CLASP2: variants seen among roughly 807,000 people sequenced by gnomAD.
CLASP2 encodes the protein cytoplasmic linker associated protein 2, also known as CLIP-associating protein 2.
Under a neutral mutation model 194.4 loss-of-function variants are expected in CLASP2, and 47 were observed. The observed-to-expected ratio is 0.24, with a 90% CI of 0.19 to 0.31. The LOEUF is 0.31. Ranked by LOEUF, CLASP2 falls within the 10% of genes least tolerant of loss-of-function variation. The probability of loss-of-function intolerance (pLI) is 1.00; values close to 1 mark genes in which losing one functional copy is unlikely to be tolerated. For missense variants in CLASP2, 1,445 were observed against 1,823.6 expected, an observed-to-expected ratio of 0.79 and a Z score of 3.78; for synonymous variants, 619 against 633.5, an observed-to-expected ratio of 0.98 and a Z score of 0.34.
At chr3:33,662,673 T>C (rs2154332892) in intron 7 of CLASP2, among the ~76,000 whole-genome samples, 1 of 152,318 alleles carries the variant, frequency 6.6e-6, no homozygotes, top group East Asian at 1.9e-4. Context: ...CACCAAATTT[T>C]TACTCCAACA....
chr3:33,553,223 G>T (rs2060341155), intron 29 of CLASP2, among the ~76,000 whole-genome samples: 1 of 151,982 alleles, frequency 6.6e-6, no homozygotes, highest in Non-Finnish European at 1.5e-5. Context: ...TCTGACACTT[G>T]TACATTTTTC....
At chr3:33,625,803 T>C (rs2077946434) in intron 10 of CLASP2, among the ~76,000 whole-genome samples, 1 of 151,950 alleles carries the variant, frequency 6.6e-6, no homozygotes, top group South Asian at 2.1e-4. Flanking sequence ...TCAACAAAAG[T>C]TTGTTTCTTT....
intron 6 of CLASP2, among the ~76,000 whole-genome samples, chr3:33,668,642 T>C (rs1415359573): frequency 6.6e-6 from 1 of 152,226 alleles, no homozygotes; most frequent in Non-Finnish European, 1.5e-5. Flanking sequence ...TTCGAAATAC[T>C]ACCTATAAAA....
In CLASP2 at chr3:33,684,462, A is replaced by C; in HGVS notation, c.547-6T>G. Reference sequence around the variant, plus strand: ...AATATTGCAGCATCTCTCACCTGTCAAAGAATTCAGAACTTTTTAATAAAC... The same window carrying C: ...AATATTGCAGCATCTCTCACCTGTCCAAGAATTCAGAACTTTTTAATAAAC... On this transcript the variant is annotated splice_polypyrimidine_tract_variant and splice_region_variant and intron_variant, in intron 5 of 38. Transcript: ENST00000682230. 1 of 1,565,584 alleles carries C rather than the reference A, an allele frequency of 6.4e-7. No individual in the cohort carries two copies. Among genetic ancestry groups the C allele is most frequent in the Non-Finnish European group, 8.7e-7 (1 of 1,151,204 alleles).
intron 11 of CLASP2, among the ~76,000 whole-genome samples, chr3:33,620,517 C>G (rs1008918078): frequency 2.6e-5 from 4 of 152,176 alleles, no homozygotes; most frequent in Non-Finnish European, 4.4e-5. Flanking sequence ...TCAAAGAGCT[C>G]AGATTCCGAC....
At position 33,550,349 on chromosome 3, in the gene CLASP2, C is replaced by T. The variant is rs1234225499; in HGVS notation, c.3153+903G>A. Among the ~76,000 whole-genome samples the T allele has an allele frequency of 2.3e-5, 3 of 132,086 alleles. No homozygotes were observed. In the Admixed American group the frequency reaches 2.7e-4, roughly 12 times the overall value. The allele number at this position is 132,086 out of a possible 152,430, so 86.7% of individuals were successfully genotyped here. A position where few individuals can be genotyped will look rare whatever the true frequency, so the allele number is the denominator to read the frequency against. ...GGTGGAGGTTGCAGTGAGCCAGTAT[C>T]ATGCCACTGTGCTCCAGCCTGGGTG... On this transcript the variant is annotated intron_variant, in intron 30 of 38. Transcript: ENST00000682230.
chr3:33,543,352 G>C, intron 32 of CLASP2, 81 bp downstream of exon 32: 1 of 966,682 alleles, frequency 1.0e-6, no homozygotes, highest in Non-Finnish European at 1.6e-6. Flanking sequence ...CAGCCTGGGC[G>C]ACAGAGCAAG....
rs775664715 is a variant in CLASP2, at chr3:33,572,549, C to A, written c.2699+561G>T. On this transcript the variant is annotated intron_variant, in intron 25 of 38. Coordinates refer to ENST00000682230, the MANE Select transcript of CLASP2 (RefSeq NM_001365631.1). The stretch of plus-strand genomic sequence containing the variant: ...CTATAGGTTTAAAACATCACACAGA[C>A]AAGGACAATAAGGCAAGTAGGGGGA... 8.6e-4 allele frequency among the ~76,000 whole-genome samples: 131 copies of A among 152,084 alleles called. 1 individual carries two copies. The highest frequency in any genetic ancestry group is 6.8e-3 in the Middle Eastern group (2 of 294).
At chr3:33,612,742 G>C (rs1035874056) in intron 12 of CLASP2, among the ~76,000 whole-genome samples, 20 of 152,126 alleles carry the variant, frequency 1.3e-4, no homozygotes, top group Admixed American at 8.5e-4. Flanking sequence ...CTAGGAAGCA[G>C]GCTATGAGAT....
intron 2 of CLASP2, among the ~76,000 whole-genome samples, chr3:33,692,913 T>C (rs1262240897): frequency 6.6e-6 from 1 of 152,138 alleles, no homozygotes; most frequent in Non-Finnish European, 1.5e-5. Flanking sequence ...TCGTACAAGA[T>C]GCAAACCATT....
rs781514848 is a variant in CLASP2, at chr3:33,717,798, C to G, written c.195+10G>C. On this transcript the variant is annotated intron_variant, in intron 1 of 38. Coordinates refer to ENST00000682230, the MANE Select transcript of CLASP2 (RefSeq NM_001365631.1). ...GGCGTGACCAGCCCAGCCTCGCCGC[C>G]GTCGCTTACCCGGTAGTTGCTCGAA... is the stretch of plus-strand genomic sequence containing the variant. 7 of 1,552,020 alleles carry G rather than the reference C, an allele frequency of 4.5e-6. No individual in the cohort carries two copies. The highest frequency in any genetic ancestry group is 2.6e-6 in the Non-Finnish European group (3 of 1,148,390).
At chr3:33,517,670 T>C (rs1323849074) in intron 34 of CLASP2, among the ~76,000 whole-genome samples, 1 of 151,924 alleles carries the variant, frequency 6.6e-6, no homozygotes, top group East Asian at 1.9e-4. Context: ...ATCATCCCCC[T>C]TTTTTTTCTG....
intron 7 of CLASP2, among the ~76,000 whole-genome samples, chr3:33,653,888 C>T (rs1010778648): frequency 6.6e-6 from 1 of 151,852 alleles, no homozygotes; most frequent in East Asian, 1.9e-4. Context: ...GCTTAAAATC[C>T]TGCACTGGAA....
intron 7 of CLASP2, among the ~76,000 whole-genome samples, chr3:33,652,082 T>C (rs2083316488): frequency 6.7e-6 from 1 of 149,374 alleles, no homozygotes; most frequent in African/African-American, 2.6e-5. Flanking sequence ...CCACATCTCA[T>C]AGAAAAAAAT....
At chr3:33,564,145 A>G (rs1025748797) in intron 27 of CLASP2, among the ~76,000 whole-genome samples, 6 of 152,184 alleles carry the variant, frequency 3.9e-5, no homozygotes, top group African/African-American at 1.4e-4. Context: ...TAAAGACTAT[A>G]TTTTTATACA....
At chr3:33,536,871 G>C (rs891042205) in intron 33 of CLASP2, among the ~76,000 whole-genome samples, 7 of 152,188 alleles carry the variant, frequency 4.6e-5, no homozygotes, top group African/African-American at 1.7e-4. Context: ...TCTTGTCCAT[G>C]GATTTTGGCT....
At chr3:33,511,664 C>A (rs2049850515) in intron 36 of CLASP2, among the ~76,000 whole-genome samples, 1 of 152,084 alleles carries the variant, frequency 6.6e-6, no homozygotes, top group African/African-American at 2.4e-5. Context: ...TGTCTATCTT[C>A]TTACCAGAGT....
At chr3:33,644,464 A>T (rs2081931035) in intron 8 of CLASP2, 3 of 359,096 alleles carry the variant, frequency 8.4e-6, no homozygotes, top group Admixed American at 4.2e-5. Flanking sequence ...TTCTCTGCTT[A>T]AAAAAAACAA....
At chr3:33,653,827 C>T (rs572297476) in intron 7 of CLASP2, among the ~76,000 whole-genome samples, 1 of 152,136 alleles carries the variant, frequency 6.6e-6, no homozygotes, top group East Asian at 1.9e-4. Flanking sequence ...CTGGGTATGT[C>T]TGAAATGCTT....
Sources: gnomAD v4.1 joint callset for allele counts (sites outside exome capture counted in the v4.1 genomes callset) on GRCh38, gnomAD v4.1.1 for gene constraint, MANE v1.5 for transcripts, NCBI Gene and HGNC (gene_info 2026-07-23, HGNC 2026-07-21) for gene names.